The following WDR4 variants were observed in gnomAD, a reference collection of about 807,000 sequenced individuals.
WDR4 encodes tRNA (guanine-N(7)-)-methyltransferase non-catalytic subunit WDR4.
In WDR4, 47 loss-of-function variants were observed where a neutral mutation model predicts 48.6. The ratio of observed to expected loss-of-function variants is 0.97; its 90% confidence interval spans 0.77 to 1.23. WDR4 has a LOEUF of 1.23. Ranked by LOEUF, WDR4 falls within the 50% of genes most tolerant of loss-of-function variation. The pLI is 0.00. For synonymous variants in WDR4, 268 were observed against 230.0 expected, an observed-to-expected ratio of 1.17 and a Z score of -1.49; for missense variants, 606 against 551.6, an observed-to-expected ratio of 1.10 and a Z score of -0.99.
intron 4 of WDR4, 96 bp downstream of exon 4, chr21:42,863,344 G>T: frequency 6.9e-7 from 1 of 1,440,702 alleles, no homozygotes; most frequent in South Asian, 1.3e-5. Context: ...CCTTGACAGG[G>T]TAGACATTGA....
chr21:42,852,276 C>A lies in WDR4; in HGVS notation c.1024G>T (p.Gly342Trp). 1 of 1,614,186 alleles carries A rather than the reference C, an allele frequency of 6.2e-7. No individual in the cohort carries two copies. Among genetic ancestry groups the A allele is most frequent in the South Asian group, 1.1e-5 (1 of 91,070 alleles). ...TCACCTTCCAGCATGGCCCAGTTCC[C>A]ACGAAGAACACCAGAGACTTTCTTT... ...VLKKVSGVLR[G>W]NWAMLEGSAG... Residue 342 changes from glycine to tryptophan, a missense_variant, in exon 10 of 11, where the codon GGG becomes TGG. Gly to Trp is a radical substitution (Grantham distance 184). Coordinates refer to ENST00000398208, the MANE Select transcript of WDR4 (RefSeq NM_018669.6).
upstream of WDR4, among the ~76,000 whole-genome samples, chr21:42,884,175 T>A (rs1464558249): frequency 6.6e-6 from 1 of 152,250 alleles, no homozygotes; most frequent in Non-Finnish European, 1.5e-5. Flanking sequence ...GTTTATCTGC[T>A]CATTGGTTGA....
chr21:42,878,878 T>C, intron 1 of WDR4: 2 of 880,000 alleles, frequency 2.3e-6, no homozygotes, highest in Non-Finnish European at 2.7e-6. Flanking sequence ...TAAGGAGCAA[T>C]TAAGGCCAGG....
In WDR4 at chr21:42,849,428, C is replaced by T. The variant is rs552691291; in HGVS notation, c.*621G>A. 1.3e-5 allele frequency: 2 copies of T among 152,336 alleles called. No individual in the cohort carries two copies. Among genetic ancestry groups the T allele is most frequent in the African/African-American group, 2.4e-5 (1 of 41,434 alleles). The allele number at this position is 152,336 out of a possible 1,614,324, so 9.4% of individuals were successfully genotyped here. A position where few individuals can be genotyped will look rare whatever the true frequency, so the allele number is the denominator to read the frequency against. On this transcript the variant is annotated 3_prime_UTR_variant, in exon 11 of 11. Transcript: ENST00000398208. ...AGGCCCGTGCTCACACTTCCTGAAA[C>T]AAGTTCACCATCTGTGCCACCGATG...
chr21:42,850,419 G>A (rs950338722), intron 10 of WDR4, among the ~76,000 whole-genome samples, 177 bp from the exon 11 acceptor site: 4 of 152,232 alleles, frequency 2.6e-5, no homozygotes, highest in African/African-American at 9.6e-5. Context: ...CCCACACCCT[G>A]GCTGGACCTG....
intron 3 of WDR4, among the ~76,000 whole-genome samples, chr21:42,872,881 G>A (rs2058403997): frequency 6.6e-6 from 1 of 152,164 alleles, no homozygotes; most frequent in African/African-American, 2.4e-5. Flanking sequence ...AGGTTGCGAT[G>A]AGCAAAGATC....
upstream of WDR4, among the ~76,000 whole-genome samples, chr21:42,883,318 T>A (rs1248137194): frequency 6.7e-6 from 1 of 149,398 alleles, no homozygotes; most frequent in Non-Finnish European, 1.5e-5. Context: ...GTTACCCTTT[T>A]TTTTTTTTTT....
At chr21:42,863,380 TCCC>T in intron 4 of WDR4, 57 bp downstream of exon 4, 2 of 1,540,216 alleles carry the variant, frequency 1.3e-6, no homozygotes, top group Non-Finnish European at 1.8e-6. Flanking sequence ...ACGTGCCACG[TCCC>T]CCATGTACCG....
At position 42,863,477 on chromosome 21, in the gene WDR4, C is replaced by G; in HGVS notation, c.416G>C (p.Arg139Pro). 1 of 1,613,818 alleles carries G rather than the reference C, an allele frequency of 6.2e-7. No homozygotes were observed. The highest frequency in any genetic ancestry group is 8.5e-7 in the Non-Finnish European group (1 of 1,179,868). The change falls in exon 4 of 11, where the codon CGT becomes CCT. Residue 139 changes from arginine to proline, a missense_variant. Arg to Pro is a moderately radical substitution (Grantham distance 103). Coordinates refer to ENST00000398208, the MANE Select transcript of WDR4 (RefSeq NM_018669.6). ...FSVLEPHGCG[R>P]LELGHLSMLL... ...CATAGACAGGTGCCCCAGCTCTAGA[C>G]GGCCACACCCGTGTGGCTCCAGCAC...
intron 10 of WDR4, among the ~76,000 whole-genome samples, chr21:42,850,900 G>T (rs1003547976): frequency 1.3e-5 from 2 of 152,162 alleles, no homozygotes; most frequent in Non-Finnish European, 2.9e-5. Flanking sequence ...CCTCAGCCTG[G>T]CCAGGAAACC....
chr21:42,862,427 G>C lies in WDR4; in HGVS notation c.454-33C>G. ...ACCAGGGGCCAGAAAAGAAAAAGCC[G>C]CTCACCTGAGTCTTCCCGAATCAAG... On this transcript the variant is annotated intron_variant, in intron 4 of 10. Coordinates refer to ENST00000398208, the MANE Select transcript of WDR4 (RefSeq NM_018669.6). The surrounding 1 kb of genome is among the most constrained non-coding windows in gnomAD (Gnocchi z 4.3). 6.5e-7 allele frequency: 1 copy of C among 1,544,670 alleles called. No homozygotes were observed.
Position 42,854,564 on chromosome 21 carries a change from G to A in WDR4, c.789C>T (p.Asp263=), listed in dbSNP as rs138194752. The A allele has an allele frequency of 3.0e-4, 489 of 1,613,274 alleles. No homozygotes were observed. The highest frequency in any genetic ancestry group is 3.9e-4 in the Non-Finnish European group (464 of 1,179,740). The change falls in exon 8 of 11, where the codon GAC becomes GAT. Residue 263 remains aspartate (D), a splice_region_variant and synonymous_variant. Transcript: ENST00000398208. The stretch of plus-strand genomic sequence containing the variant: ...ATAGAGGTGCCGCCGCAGCTTACCC[G>A]TCGCACAGGAGCGCCACGCAGTTCT... ...CQENCVALLC[D]GTPVVYIFQL...
chr21:42,852,415 G>T, intron 9 of WDR4, 91 bp from the exon 10 acceptor site: 1 of 1,436,366 alleles, frequency 7.0e-7, no homozygotes, highest in Non-Finnish European at 9.6e-7. Flanking sequence ...AGAGAGGCTT[G>T]CAGGGGAGGT....
At chr21:42,876,462 C>T (rs2058495135) in intron 2 of WDR4, among the ~76,000 whole-genome samples, 1 of 152,182 alleles carries the variant, frequency 6.6e-6, no homozygotes, top group African/African-American at 2.4e-5. Context: ...GATCCACCCA[C>T]CTTGGCCTCC....
In WDR4 at chr21:42,859,484, A is replaced by T. The variant is rs539971681; in HGVS notation, c.627+178T>A. On this transcript the variant is annotated intron_variant, in intron 6 of 10. Coordinates refer to ENST00000398208, the MANE Select transcript of WDR4 (RefSeq NM_018669.6). Reference sequence around the variant, plus strand: ...ACGCACCTACGCACACCCCACACGCAGTCCTGAGTGAGCGGCCGCAGGCGG... The same window carrying T: ...ACGCACCTACGCACACCCCACACGCTGTCCTGAGTGAGCGGCCGCAGGCGG... Among the ~76,000 whole-genome samples, 11 of 152,086 alleles carry T rather than the reference A, an allele frequency of 7.2e-5. No homozygotes were observed. The South Asian group carries it at 2.3e-3, about 32-fold the overall frequency.
Position 42,853,738 on chromosome 21 carries a change from T to A in WDR4, c.806A>T (p.Tyr269Phe). The A allele has an allele frequency of 6.4e-7, 1 of 1,558,338 alleles. No homozygotes were observed. The highest frequency in any genetic ancestry group is 8.7e-7 in the Non-Finnish European group (1 of 1,150,984). The change falls in exon 9 of 11, where the codon TAC becomes TTC. Residue 269 changes from tyrosine to phenylalanine, a missense_variant. By Grantham distance (22) the Tyr-to-Phe change is conservative. Transcript: ENST00000398208. ...ALLCDGTPVV[Y>F]IFQLDARRQQ... ...TCTGCGGGCGTCCAGCTGGAAGATGTAGACCACAGGAGTGCTTGCCACGAA... is the reference window on the plus strand; with the variant it reads ...TCTGCGGGCGTCCAGCTGGAAGATGAAGACCACAGGAGTGCTTGCCACGAA...
At chr21:42,876,229 T>TTTTTTTTTTTG (rs1555982374) in intron 2 of WDR4, among the ~76,000 whole-genome samples, 1 of 148,850 alleles carries the variant, frequency 6.7e-6, no homozygotes, top group African/African-American at 2.5e-5. Flanking sequence ...TTTTTTTTTT[T>TTTTTTTTTTTG]GGGAGACAGA....
chr21:42,861,546 G>A (rs997430066), intron 5 of WDR4, among the ~76,000 whole-genome samples: 8 of 152,072 alleles, frequency 5.3e-5, no homozygotes, highest in African/African-American at 1.4e-4. Context: ...GGAGGGGCCG[G>A]GGGGCTGCAG....
At chr21:42,859,867 T>G in intron 5 of WDR4, 145 bp from the exon 6 acceptor site, 2 of 840,950 alleles carry the variant, frequency 2.4e-6, no homozygotes, top group Non-Finnish European at 3.8e-6. Flanking sequence ...ACATGGGAAG[T>G]AGCTGTTAAC....
Sources: allele counts gnomAD v4.1 joint callset (sites outside exome capture counted in the v4.1 genomes callset), GRCh38; gene constraint gnomAD v4.1.1; non-coding constraint Gnocchi (gnomAD v3.1); transcripts MANE v1.5; gene names NCBI Gene and HGNC (gene_info 2026-07-23, HGNC 2026-07-21).